The following PRKG1 variants were observed in gnomAD, a reference collection of about 807,000 sequenced individuals.
PRKG1 encodes the protein cGMP-dependent protein kinase 1.
Under a neutral mutation model 88.1 loss-of-function variants are expected in PRKG1, and 35 were observed. That is an observed-to-expected ratio of 0.40 (90% CI 0.30 to 0.53). The LOEUF (loss-of-function observed/expected upper bound fraction) is 0.53. Ranked by LOEUF, PRKG1 falls within the 20% of genes least tolerant of loss-of-function variation. The pLI is 0.59. For synonymous variants in PRKG1, 303 were observed against 292.5 expected, an observed-to-expected ratio of 1.04 and a Z score of -0.37; for missense variants, 540 against 839.8, an observed-to-expected ratio of 0.64 and a Z score of 4.41.
chr10:51,111,784 G>A (rs1844985506), intron 1 of PRKG1, among the ~76,000 whole-genome samples: 1 of 152,168 alleles, frequency 6.6e-6, no homozygotes, highest in Admixed American at 6.6e-5. Flanking sequence ...GTTAGCACAT[G>A]AAGAAACTGA....
chr10:52,194,575 T>A (rs1316444617), intron 9 of PRKG1, among the ~76,000 whole-genome samples: 7 of 152,302 alleles, frequency 4.6e-5, no homozygotes, highest in Admixed American at 4.6e-4. Context: ...GCTAATGTTT[T>A]CTCGCTAAAG....
intron 4 of PRKG1, among the ~76,000 whole-genome samples, chr10:51,902,335 T>A (rs2132935471): frequency 6.6e-6 from 1 of 152,122 alleles, no homozygotes; most frequent in South Asian, 2.1e-4. Flanking sequence ...AGGCTGGTCT[T>A]GAACTCCCGA....
At chr10:51,778,702 G>A (rs1009794652) in intron 3 of PRKG1, among the ~76,000 whole-genome samples, 20 of 152,062 alleles carry the variant, frequency 1.3e-4, no homozygotes, top group African/African-American at 4.8e-4. Flanking sequence ...TAAATTTCCA[G>A]AAATAATCTT....
chr10:52,153,065 A>G (rs1237498452), intron 8 of PRKG1, among the ~76,000 whole-genome samples: 2 of 152,212 alleles, frequency 1.3e-5, no homozygotes, highest in East Asian at 3.8e-4. Context: ...AAAGAGGCAT[A>G]TAGGTGGGGG....
At chr10:51,525,524 T>A (rs1841858335) in intron 3 of PRKG1, among the ~76,000 whole-genome samples, 1 of 151,802 alleles carries the variant, frequency 6.6e-6, no homozygotes. Context: ...TGGTGAAACC[T>A]TGTCTCTACT....
intron 5 of PRKG1, chr10:51,908,982 G>T (rs535410476): frequency 6.6e-6 from 1 of 151,944 alleles, no homozygotes; most frequent in African/African-American, 2.4e-5. Context: ...TGCCTGCCTC[G>T]GCCTCCCAAA....
At chr10:51,295,004 G>A (rs571647323) in intron 2 of PRKG1, among the ~76,000 whole-genome samples, 2 of 152,142 alleles carry the variant, frequency 1.3e-5, no homozygotes, top group South Asian at 4.2e-4. Flanking sequence ...GATTGCTTGA[G>A]CCCAGGAGTT....
intron 3 of PRKG1, among the ~76,000 whole-genome samples, chr10:51,594,742 T>A (rs1838399567): frequency 6.6e-6 from 1 of 152,150 alleles, no homozygotes; most frequent in Non-Finnish European, 1.5e-5. Flanking sequence ...CTGGGGGATG[T>A]GGTGTGCTGT....
At chr10:51,227,094 C>T (rs1403541745) in intron 2 of PRKG1, among the ~76,000 whole-genome samples, 2 of 151,090 alleles carry the variant, frequency 1.3e-5, no homozygotes, top group East Asian at 3.9e-4. Flanking sequence ...AACTTTAAGT[C>T]ATTTAATAAT....
intron 3 of PRKG1, among the ~76,000 whole-genome samples, chr10:51,559,164 T>C (rs79735066): frequency 0.037 from 5,622 of 152,132 alleles, 159 homozygotes; most frequent in Non-Finnish European, 0.057. Flanking sequence ...ACTGAGGGTA[T>C]TAGAAAGTAT....
At chr10:51,936,933 T>A (rs1842811468) in intron 5 of PRKG1, among the ~76,000 whole-genome samples, 1 of 150,352 alleles carries the variant, frequency 6.7e-6, no homozygotes, top group South Asian at 2.1e-4. Context: ...GTTTTTGGGC[T>A]TTCTTGGAGG....
At chr10:51,842,082 A>T (rs542764741) in intron 4 of PRKG1, among the ~76,000 whole-genome samples, 62 of 152,260 alleles carry the variant, frequency 4.1e-4, no homozygotes, top group African/African-American at 1.4e-3. Context: ...CACAGATGGG[A>T]TGTTGGTCAG....
chr10:52,250,053 G>C (rs562603115), intron 9 of PRKG1, among the ~76,000 whole-genome samples: 53 of 152,200 alleles, frequency 3.5e-4, no homozygotes, highest in African/African-American at 1.3e-3. Context: ...TTTGCCGCTA[G>C]CCCTTTCAAT....
intron 1 of PRKG1, chr10:51,062,843 A>T (rs967015581): frequency 6.6e-6 from 1 of 152,056 alleles, no homozygotes; most frequent in African/African-American, 2.4e-5. Context: ...GTTGGTCTCA[A>T]ACTCCCGACC....
At chr10:51,923,765 C>T (rs1172711340) in intron 5 of PRKG1, among the ~76,000 whole-genome samples, 1 of 151,686 alleles carries the variant, frequency 6.6e-6, no homozygotes, top group Non-Finnish European at 1.5e-5. Flanking sequence ...CCAGTTGTTA[C>T]CTGTTAAATC....
At chr10:51,296,459 GT>G (rs1361453587) in intron 2 of PRKG1, among the ~76,000 whole-genome samples, 2 of 151,972 alleles carry the variant, frequency 1.3e-5, no homozygotes, top group African/African-American at 4.8e-5. Context: ...TATCCAGTTT[GT>G]CAGCATATAA....
At chr10:51,736,326 G>C (rs1028552397) in intron 3 of PRKG1, among the ~76,000 whole-genome samples, 3 of 152,048 alleles carry the variant, frequency 2.0e-5, no homozygotes, top group Non-Finnish European at 4.4e-5. Context: ...ATGATGCCCA[G>C]ACTGGTCTCG....
chr10:51,538,799 T>TA (rs1842228911), intron 3 of PRKG1, among the ~76,000 whole-genome samples: 1 of 152,138 alleles, frequency 6.6e-6, no homozygotes, highest in Non-Finnish European at 1.5e-5. Context: ...ATTTCCAAAT[T>TA]AAAAACACAG....
chr10:51,160,410 A>G (rs889022621), intron 2 of PRKG1, among the ~76,000 whole-genome samples: 1 of 152,184 alleles, frequency 6.6e-6, no homozygotes. Flanking sequence ...GTGAATCCTT[A>G]TAAACATGTT....
Sources: allele counts gnomAD v4.1 joint callset (sites outside exome capture counted in the v4.1 genomes callset), GRCh38; gene constraint gnomAD v4.1.1; transcripts MANE v1.5; gene names NCBI Gene and HGNC (gene_info 2026-07-23, HGNC 2026-07-21).